Variants in CNTNAP2 observed in about 807,000 individuals in gnomAD.
CNTNAP2 encodes contactin associated protein 2.
Under a neutral mutation model 155.2 loss-of-function variants are expected in CNTNAP2, and 98 were observed. The observed-to-expected ratio is 0.63, with a 90% CI of 0.54 to 0.75. The LOEUF (loss-of-function observed/expected upper bound fraction) is 0.75, where lower values mean the gene tolerates loss of function less well. Ranked by LOEUF, CNTNAP2 falls within the 30% of genes least tolerant of loss-of-function variation. The pLI, the probability that CNTNAP2 is intolerant of heterozygous loss-of-function variation, is 0.00. For missense variants in CNTNAP2, 1,727 were observed against 1,688.1 expected (o/e 1.02, Z -0.40); for synonymous variants, 651 against 631.2 (o/e 1.03, Z -0.47).
rs927927076 is a variant in CNTNAP2, at chr7:148,416,480, T to A, written c.*864T>A. 8.7e-5 allele frequency: 12 copies of A among 137,636 alleles called. No homozygotes were observed. Among genetic ancestry groups the A allele is most frequent in the African/African-American group, 3.7e-4 (11 of 29,366 alleles). 8.5% of individuals were successfully genotyped at this position (137,636 alleles called of 1,614,324 possible). On this transcript the variant is annotated 3_prime_UTR_variant, in exon 24 of 24. Coordinates refer to ENST00000361727, the MANE Select transcript of CNTNAP2 (RefSeq NM_014141.6). Reference sequence around the variant, plus strand: ...CTGGATTTATATATGTATAAGCGCCTCAATGGGGAATTAGAGCCAGATGTT... The same window carrying A: ...CTGGATTTATATATGTATAAGCGCCACAATGGGGAATTAGAGCCAGATGTT...
In CNTNAP2 at chr7:146,627,536, C is replaced by T. The variant is rs559204158; in HGVS notation, c.98-146735C>T. On this transcript the variant is annotated intron_variant, in intron 1 of 23. Coordinates refer to ENST00000361727, the MANE Select transcript of CNTNAP2 (RefSeq NM_014141.6). ...AAATGTAATAATTACCTCCTTATATCATTCTCTTGTAATGTCTAGTTCTTC... is the reference window on the plus strand; with the variant it reads ...AAATGTAATAATTACCTCCTTATATTATTCTCTTGTAATGTCTAGTTCTTC... Among the ~76,000 whole-genome samples, 5 of 152,208 alleles carry T rather than the reference C, an allele frequency of 3.3e-5. No individual in the cohort carries two copies. The South Asian group carries it at 1.0e-3, about 32-fold the overall frequency.
rs114844877 is a variant in CNTNAP2 at position 147,331,050 on chromosome 7, T to C, written c.1498+30760T>C. Among the ~76,000 whole-genome samples, 496 of 152,276 alleles carry C rather than the reference T, an allele frequency of 3.3e-3. 6 individuals carry two copies. The highest frequency in any genetic ancestry group is 0.011 in the African/African-American group (460 of 41,552). ...GTAAACTGCTCATACAACTAGGGAC[T>C]AGTGAGTGACTGAAGCATAATCAGA... On this transcript the variant is annotated intron_variant, in intron 9 of 23. Coordinates refer to ENST00000361727, the MANE Select transcript of CNTNAP2 (RefSeq NM_014141.6).
intron 1 of CNTNAP2, among the ~76,000 whole-genome samples, chr7:146,429,854 G>A (rs1356137857): frequency 6.6e-6 from 1 of 152,072 alleles, no homozygotes; most frequent in African/African-American, 2.4e-5. Flanking sequence ...TATAGGATGT[G>A]GGTTTGTTAT....
intron 1 of CNTNAP2, among the ~76,000 whole-genome samples, chr7:146,584,750 G>T (rs1437321715): frequency 6.6e-6 from 1 of 152,100 alleles, no homozygotes; most frequent in African/African-American, 2.4e-5. Flanking sequence ...CAATCCTAAT[G>T]GCTAGGAGAA....
At chr7:146,553,101 T>A (rs1227307779) in intron 1 of CNTNAP2, among the ~76,000 whole-genome samples, 3 of 152,182 alleles carry the variant, frequency 2.0e-5, no homozygotes, top group Non-Finnish European at 4.4e-5. Flanking sequence ...TGTATTTTAG[T>A]CTCTTCTGTT....
intron 13 of CNTNAP2, among the ~76,000 whole-genome samples, chr7:147,866,646 C>A (rs1459305605): frequency 6.6e-6 from 1 of 152,074 alleles, no homozygotes. Context: ...GTTAGCTCTT[C>A]TTTTTGAATT....
intron 3 of CNTNAP2, among the ~76,000 whole-genome samples, chr7:146,900,003 C>T (rs944040715): frequency 9.9e-5 from 15 of 152,130 alleles, no homozygotes; most frequent in Non-Finnish European, 1.6e-4. Context: ...TAAGTTTACC[C>T]TCAACGAGCT....
Position 146,589,283 on chromosome 7 carries a change from C to G in CNTNAP2, c.98-184988C>G, listed in dbSNP as rs184017313. 5.3e-5 allele frequency among the ~76,000 whole-genome samples: 8 copies of G among 152,198 alleles called. No homozygotes were observed. In the Middle Eastern group the frequency reaches 0.014, roughly 259 times the overall value. On this transcript the variant is annotated intron_variant, in intron 1 of 23. Transcript: ENST00000361727. ...ACTCACTGCTATAAAAAACAAGCCT[C>G]AAAGACACATGCACATGTACGTTTA...
intron 2 of CNTNAP2, among the ~76,000 whole-genome samples, chr7:146,783,693 G>T (rs1452033597): frequency 6.6e-6 from 1 of 152,142 alleles, no homozygotes; most frequent in Admixed American, 6.5e-5. Flanking sequence ...AGAAATCTGT[G>T]CTAGGTTTTG....
chr7:148,266,780 C>T (rs1310135669), intron 20 of CNTNAP2, among the ~76,000 whole-genome samples: 1 of 152,170 alleles, frequency 6.6e-6, no homozygotes, highest in African/African-American at 2.4e-5. Flanking sequence ...AAATCATCCA[C>T]AGAAAATGTA....
At chr7:146,370,536 T>C (rs541657811) in intron 1 of CNTNAP2, among the ~76,000 whole-genome samples, 4 of 152,256 alleles carry the variant, frequency 2.6e-5, no homozygotes, top group African/African-American at 9.6e-5. Context: ...TTACAAGATG[T>C]CGAGACTTTG....
intron 1 of CNTNAP2, among the ~76,000 whole-genome samples, chr7:146,351,941 G>C (rs947038057): frequency 1.3e-5 from 2 of 152,086 alleles, no homozygotes; most frequent in African/African-American, 4.8e-5. Context: ...CGTATTTGGA[G>C]GAGTTAAAAG....
intron 2 of CNTNAP2, among the ~76,000 whole-genome samples, chr7:146,777,721 T>C (rs1802414565): frequency 6.6e-6 from 1 of 152,100 alleles, no homozygotes; most frequent in South Asian, 2.1e-4. Flanking sequence ...GTGCCCACCA[T>C]GCCTGGCTGA....
intron 11 of CNTNAP2, among the ~76,000 whole-genome samples, chr7:147,523,292 A>G (rs1248933569): frequency 1.3e-5 from 2 of 152,138 alleles, no homozygotes; most frequent in East Asian, 1.9e-4. Context: ...CAAGAGGGAG[A>G]GTTCTGACAC....
At chr7:146,183,302 T>C (rs566326991) in intron 1 of CNTNAP2, among the ~76,000 whole-genome samples, 1 of 152,204 alleles carries the variant, frequency 6.6e-6, no homozygotes, top group Admixed American at 6.5e-5. Flanking sequence ...CTTGGTCCCA[T>C]CAGCCATGGG....
chr7:147,625,718 C>A (rs76180010), intron 12 of CNTNAP2, among the ~76,000 whole-genome samples: 2 of 152,214 alleles, frequency 1.3e-5, no homozygotes, highest in East Asian at 3.9e-4. Context: ...TCTGTTGCTC[C>A]AAGAACCAAC....
At chr7:148,075,522 AG>A (rs1402236549) in intron 15 of CNTNAP2, among the ~76,000 whole-genome samples, 1 of 152,204 alleles carries the variant, frequency 6.6e-6, no homozygotes, top group Non-Finnish European at 1.5e-5. Flanking sequence ...ACTGAAGTAA[AG>A]CTACTTTACT....
At chr7:147,330,687 T>C (rs1312747135) in intron 9 of CNTNAP2, among the ~76,000 whole-genome samples, 1 of 152,192 alleles carries the variant, frequency 6.6e-6, no homozygotes, top group Non-Finnish European at 1.5e-5. Context: ...GCCATCCTAA[T>C]TGGTATGAAC....
At chr7:146,610,114 A>G (rs960719519) in intron 1 of CNTNAP2, among the ~76,000 whole-genome samples, 4 of 152,218 alleles carry the variant, frequency 2.6e-5, no homozygotes, top group Non-Finnish European at 5.9e-5. Flanking sequence ...CACTGCCAAA[A>G]TTGAGAAAGC....
Sources: gnomAD v4.1 joint callset for allele counts (sites outside exome capture counted in the v4.1 genomes callset) on GRCh38, gnomAD v4.1.1 for gene constraint, MANE v1.5 for transcripts, NCBI Gene and HGNC (gene_info 2026-07-23, HGNC 2026-07-21) for gene names.